MCM3: variants seen among roughly 807,000 people sequenced by gnomAD.
The protein encoded by MCM3 is DNA replication licensing factor MCM3.
Under a neutral mutation model 91.3 loss-of-function variants are expected in MCM3, and 59 were observed. The observed-to-expected ratio is 0.65, with a 90% confidence interval of 0.52 to 0.80. The LOEUF is 0.80. Ranked by LOEUF, MCM3 falls within the 30% of genes least tolerant of loss-of-function variation. The pLI, the probability that MCM3 is intolerant of heterozygous loss-of-function variation, is 0.00. For missense variants in MCM3, 919 were observed against 1,035.4 expected, an observed-to-expected ratio of 0.89 and a Z score of 1.54; for synonymous variants, 383 against 379.6, an observed-to-expected ratio of 1.01 and a Z score of -0.10.
intron 11 of MCM3, among the ~76,000 whole-genome samples, chr6:52,272,979 C>A (rs1765260733): frequency 6.6e-6 from 1 of 152,160 alleles, no homozygotes; most frequent in Non-Finnish European, 1.5e-5. Context: ...CACCATCAGG[C>A]GTATCATCAA....
At position 52,283,301 on chromosome 6, in the gene MCM3, C is replaced by A; in HGVS notation, c.184G>T (p.Ala62Ser). Residue 62 changes from alanine to serine, a missense_variant, in exon 2 of 17, where the codon GCT (alanine) becomes TCT (serine). Around this residue, in one of 3 missense-constraint regions of MCM3, gnomAD observed 401 missense variants for 402.7 expected, o/e 1.00. Coordinates refer to ENST00000596288, the MANE Select transcript of MCM3 (RefSeq NM_002388.6). ...NDLRRKNEKR[A>S]NRLLNNAFEE... ...TATCCCCTTGCCTCTCACCGGTTAG[C>A]CCTCTTCTCGTTTTTCCTGCGCAGG... 6.2e-7 allele frequency: 1 copy of A among 1,613,908 alleles called. No homozygotes were observed. Among genetic ancestry groups the A allele is most frequent in the Non-Finnish European group, 8.5e-7 (1 of 1,179,852 alleles).
At chr6:52,271,321 A>G (rs1440381177) in intron 12 of MCM3, among the ~76,000 whole-genome samples, 1 of 151,212 alleles carries the variant, frequency 6.6e-6, no homozygotes, top group Admixed American at 6.6e-5. Context: ...GTAAAATCCT[A>G]TGTGAACTAC....
chr6:52,275,916 G>GGA (rs71944334), intron 9 of MCM3: 1 of 174,458 alleles, frequency 5.7e-6, no homozygotes, highest in African/African-American at 2.4e-5. Flanking sequence ...CAAAGTGACA[G>GGA]GAGAGAGAAG....
At chr6:52,282,889 T>G (rs779098429) in intron 2 of MCM3, 28 bp from the exon 3 acceptor site, 2 of 1,577,104 alleles carry the variant, frequency 1.3e-6, no homozygotes, top group South Asian at 2.2e-5. Flanking sequence ...AAAGAAAAAT[T>G]AGACTGGGCA....
intron 4 of MCM3, among the ~76,000 whole-genome samples, chr6:52,280,321 A>ATT: frequency 6.6e-6 from 1 of 152,274 alleles, no homozygotes; most frequent in Non-Finnish European, 1.5e-5. Flanking sequence ...CTGTACGTAT[A>ATT]TTAAAGTTTT....
intron 6 of MCM3, among the ~76,000 whole-genome samples, chr6:52,278,159 T>C (rs1187993163): frequency 6.6e-6 from 1 of 150,606 alleles, no homozygotes; most frequent in Non-Finnish European, 1.5e-5. Flanking sequence ...AATTATTTTC[T>C]AAGACAAATT....
In MCM3 at chr6:52,277,418, T is replaced by C. The variant is rs189315026; in HGVS notation, c.1033+117A>G. ...AAAAAAAAAGATTCATTTTAGCCTT[T>C]TGTCCTTTGATAGGACTGAAATACT... On this transcript the variant is annotated intron_variant, in intron 7 of 16. Transcript: ENST00000596288. 67 of 1,203,624 alleles carry C rather than the reference T, an allele frequency of 5.6e-5. No homozygotes were observed. In the East Asian group the frequency reaches 1.2e-3, roughly 22 times the overall value. 74.6% of individuals were successfully genotyped at this position (1,203,624 alleles called of 1,614,324 possible).
At position 52,279,418 on chromosome 6, in the gene MCM3, A is replaced by G. The variant is rs775481501; in HGVS notation, c.713T>C (p.Val238Ala). The change falls in exon 5 of 17, where the codon GTG becomes GCG. Residue 238 changes from valine to alanine, a missense_variant. By Grantham distance (64) the Val-to-Ala change is moderately conservative (BLOSUM62 0). Around this residue, in one of 3 missense-constraint regions of MCM3, gnomAD observed 401 missense variants for 402.7 expected, o/e 1.00. Transcript: ENST00000596288. ...KAKPGDRVQV[V>A]GTYRCLPGKK... ...TCCAGGAAGGCAACGGTAGGTTCCC[A>G]CCACCTGAACCCGGTCACCAGGCTT... 3 of 1,614,136 alleles carry G rather than the reference A, an allele frequency of 1.9e-6. No individual in the cohort carries two copies. The African/African-American group carries it at 4.0e-5, about 22-fold the overall frequency.
At position 52,275,990 on chromosome 6, in the gene MCM3, T is replaced by TA. The variant is rs1489005877; in HGVS notation, c.1374+277dup. On this transcript the variant is annotated intron_variant, in intron 9 of 16. Coordinates refer to ENST00000596288, the MANE Select transcript of MCM3 (RefSeq NM_002388.6). ...TAGAAATTCTCCCGCCACATGCATG[T>TA]AGTCCTTTTATTTAATGGACGGTTA... is the stretch of plus-strand genomic sequence containing the variant. 9 of 387,740 alleles carry TA rather than the reference T, an allele frequency of 2.3e-5. 1 individual carries two copies. The highest frequency in any genetic ancestry group is 1.4e-4 in the African/African-American group (7 of 49,000). 24.0% of individuals were successfully genotyped at this position (387,740 alleles called of 1,614,324 possible).
At chr6:52,269,027 C>A in intron 13 of MCM3, 59 bp downstream of exon 13, 3 of 1,539,854 alleles carry the variant, frequency 1.9e-6, no homozygotes, top group Admixed American at 1.9e-5. Context: ...GGCTGGGAAG[C>A]CCATGCATCT....
At chr6:52,270,016 G>A (rs1236510282) in intron 12 of MCM3, among the ~76,000 whole-genome samples, 2 of 152,178 alleles carry the variant, frequency 1.3e-5, no homozygotes. Context: ...TAGCTGCAGA[G>A]CTGGGATCAG....
chr6:52,283,236 G>C, intron 2 of MCM3, 58 bp downstream of exon 2: 1 of 1,405,534 alleles, frequency 7.1e-7, no homozygotes, highest in South Asian at 1.2e-5. Flanking sequence ...GTTCCAATCT[G>C]GCCAAGAGGG....
rs540441328 is a variant in MCM3 at position 52,265,577 on chromosome 6, T to G, written c.2228+498A>C. 1.3e-3 allele frequency among the ~76,000 whole-genome samples: 202 copies of G among 152,320 alleles called. 1 individual carries two copies. The highest frequency in any genetic ancestry group is 4.8e-3 in the African/African-American group (200 of 41,574). On this transcript the variant is annotated intron_variant, in intron 16 of 16. Coordinates refer to ENST00000596288, the MANE Select transcript of MCM3 (RefSeq NM_002388.6). The stretch of plus-strand genomic sequence containing the variant: ...AATACTTTTCAATGTGTTTCAAATT[T>G]TTTTCAGTAAATACACTGTATTATG...
intron 2 of MCM3, 59 bp from the exon 3 acceptor site, chr6:52,282,920 T>G: frequency 1.6e-5 from 19 of 1,186,686 alleles, no homozygotes; most frequent in Non-Finnish European, 2.0e-5. Flanking sequence ...AAATGGATCC[T>G]CAAAACAGCA....
At position 52,282,754 on chromosome 6, in the gene MCM3, A is replaced by T. The variant is rs921984322; in HGVS notation, c.299T>A (p.Val100Glu). The T allele has an allele frequency of 1.2e-6, 2 of 1,613,976 alleles. No individual in the cohort carries two copies. Among genetic ancestry groups the T allele is most frequent in the African/African-American group, 2.7e-5 (2 of 74,902 alleles). ...GGAGCCAAAGCTGCCTTCCAGTCCT[A>T]CGTAGAACTCCTCATACTGCTTGGC... ...TYAKQYEEFY[V>E]GLEGSFGSKH... The change falls in exon 3 of 17, where the codon GTA becomes GAA. Residue 100 changes from valine to glutamate, a missense_variant. Val to Glu is a moderately radical substitution (Grantham distance 121). Transcript: ENST00000596288.
chr6:52,281,909 A>C (rs1766130031), intron 4 of MCM3, 136 bp downstream of exon 4: 1 of 763,736 alleles, frequency 1.3e-6, no homozygotes. Context: ...GCCTGCAATC[A>C]ATCTTTCCTT....
chr6:52,267,775 C>T, intron 14 of MCM3, 90 bp downstream of exon 14: 1 of 713,414 alleles, frequency 1.4e-6, no homozygotes, highest in East Asian at 2.7e-5. Context: ...ACCCACCCGC[C>T]TCGGCCTCCC....
chr6:52,284,723 G>C lies in MCM3; in HGVS notation c.-49C>G, dbSNP rs751023310. On this transcript the variant is annotated 5_prime_UTR_variant, in exon 1 of 17. Transcript: ENST00000596288. ...CACCAAAGTCGCGTGGAGGTTCCCA[G>C]GATGACTCCACCCCGGCGCGAAAAC... 5 of 1,574,308 alleles carry C rather than the reference G, an allele frequency of 3.2e-6. No homozygotes were observed. In the South Asian group the frequency reaches 5.8e-5, roughly 18 times the overall value.
Position 52,282,681 on chromosome 6 carries a change from C to A in MCM3, c.372G>T (p.Val124=). 2 of 1,613,590 alleles carry A rather than the reference C, an allele frequency of 1.2e-6. No individual in the cohort carries two copies. The highest frequency in any genetic ancestry group is 1.7e-6 in the Non-Finnish European group (2 of 1,180,018). ...RTLTSCFLSC[V]VCVEGIVTKC... The stretch of plus-strand genomic sequence containing the variant: ...TAGTGACAATGCCCTCCACACAGAC[C>A]ACACAGCTGAGGAAGCAGGAGGTAA... Residue 124 remains valine (V), a synonymous_variant, in exon 3 of 17, where the codon GTG becomes GTT. Coordinates refer to ENST00000596288, the MANE Select transcript of MCM3 (RefSeq NM_002388.6).
Sources: gnomAD v4.1 joint callset for allele counts (sites outside exome capture counted in the v4.1 genomes callset) on GRCh38, gnomAD v4.1.1 for gene constraint, gnomAD v4.1.1 regional missense constraint, MANE v1.5 for transcripts, NCBI Gene and HGNC (gene_info 2026-07-23, HGNC 2026-07-21) for gene names.